The following GALNT13 variants were observed in gnomAD, a reference collection of about 807,000 sequenced individuals.
GALNT13 encodes polypeptide N-acetylgalactosaminyltransferase 13.
GALNT13 carries 28 observed loss-of-function variants against 64.2 expected under a neutral mutation model. The observed-to-expected ratio is 0.44, with a 90% confidence interval of 0.32 to 0.60. GALNT13 has a LOEUF of 0.60. GALNT13 is among the 20% of genes least tolerant of loss of function. The pLI, the probability that GALNT13 is intolerant of heterozygous loss-of-function variation, is 0.05. For synonymous variants in GALNT13, 214 were observed against 224.6 expected (o/e 0.95, Z 0.42); for missense variants, 577 against 669.8 (o/e 0.86, Z 1.53).
At chr2:153,981,952 A>G (rs1220242645) in intron 3 of GALNT13, among the ~76,000 whole-genome samples, 1 of 151,942 alleles carries the variant, frequency 6.6e-6, no homozygotes, top group African/African-American at 2.4e-5. Flanking sequence ...CTATAATGTC[A>G]GTTGTGGCAT....
At chr2:153,926,824 T>C (rs188592044) in intron 2 of GALNT13, among the ~76,000 whole-genome samples, 3 of 152,142 alleles carry the variant, frequency 2.0e-5, no homozygotes, top group African/African-American at 2.4e-5. Flanking sequence ...ATTTTCTTAT[T>C]ACTTTAAAAT....
At chr2:153,501,203 A>C in the GALNT13 span, among the ~76,000 whole-genome samples, 1 of 152,222 alleles carries the variant, frequency 6.6e-6, no homozygotes, top group Admixed American at 6.5e-5. Context: ...ATGACTCAAA[A>C]ATTTTCAAAG....
chr2:153,542,436 G>C, the GALNT13 span, among the ~76,000 whole-genome samples: 1 of 152,090 alleles, frequency 6.6e-6, no homozygotes, highest in Non-Finnish European at 1.5e-5. Context: ...AGTATAGAAT[G>C]GGTCTCAGTT....
chr2:153,161,578 G>A, the GALNT13 span, among the ~76,000 whole-genome samples: 1 of 152,242 alleles, frequency 6.6e-6, no homozygotes, highest in Middle Eastern at 3.4e-3. Context: ...AAGAGAGAGT[G>A]TGTCAGGAAG....
chr2:153,677,488 A>C, the GALNT13 span, among the ~76,000 whole-genome samples: 1 of 152,150 alleles, frequency 6.6e-6, no homozygotes, highest in African/African-American at 2.4e-5. Flanking sequence ...TACCCAAAGC[A>C]ATTTATAGAT....
At chr2:154,384,208 T>C (rs918956513) in intron 9 of GALNT13, among the ~76,000 whole-genome samples, 4 of 151,986 alleles carry the variant, frequency 2.6e-5, no homozygotes, top group African/African-American at 9.7e-5. Flanking sequence ...CTAATATTTT[T>C]GGTTAAATAT....
chr2:154,252,980 C>T (rs946615996), intron 7 of GALNT13, among the ~76,000 whole-genome samples: 1 of 151,888 alleles, frequency 6.6e-6, no homozygotes, highest in African/African-American at 2.4e-5. Context: ...TTAATTGGAC[C>T]CAGAAAACAA....
chr2:153,577,087 T>C, the GALNT13 span, among the ~76,000 whole-genome samples: 1 of 152,282 alleles, frequency 6.6e-6, no homozygotes, highest in South Asian at 2.1e-4. Flanking sequence ...TCCCTGCTCC[T>C]CTAATGGAAA....
At chr2:154,247,227 A>C (rs1238557559) in intron 7 of GALNT13, among the ~76,000 whole-genome samples, 2 of 152,046 alleles carry the variant, frequency 1.3e-5, no homozygotes, top group African/African-American at 4.8e-5. Context: ...TTTAAAATGT[A>C]ACTTAGTAGT....
intron 9 of GALNT13, among the ~76,000 whole-genome samples, chr2:154,319,889 C>T (rs1325959985): frequency 6.6e-6 from 1 of 151,846 alleles, no homozygotes; most frequent in Non-Finnish European, 1.5e-5. Context: ...TTTAAACTTT[C>T]ACTTCATAAA....
chr2:153,614,460 A>G, the GALNT13 span, among the ~76,000 whole-genome samples: 1 of 152,004 alleles, frequency 6.6e-6, no homozygotes, highest in African/African-American at 2.4e-5. Flanking sequence ...GGATTTCTTC[A>G]CAGCACTGGG....
chr2:153,820,651 A>T, the GALNT13 span, among the ~76,000 whole-genome samples: 2 of 152,190 alleles, frequency 1.3e-5, no homozygotes, highest in African/African-American at 4.8e-5. Flanking sequence ...AATTCTTTCT[A>T]GACAAGAAAA....
At chr2:154,319,528 G>A (rs1368071380) in intron 9 of GALNT13, among the ~76,000 whole-genome samples, 1 of 151,982 alleles carries the variant, frequency 6.6e-6, no homozygotes, top group East Asian at 1.9e-4. Context: ...AGCTGGGCAT[G>A]GTGGTATGTG....
At chr2:154,445,797 A>T in intron 12 of GALNT13, 2 of 1,288,014 alleles carry the variant, frequency 1.6e-6, no homozygotes, top group East Asian at 1.1e-4. Context: ...TGTTTGAATC[A>T]ACAGACTTAC....
rs71398312 is a variant in GALNT13 at position 154,405,584 on chromosome 2, T to TAAA, written c.1297-3383_1297-3381dup. Among the ~76,000 whole-genome samples, 641 of 133,960 alleles carry TAAA rather than the reference T, an allele frequency of 4.8e-3. 7 individuals carry two copies. The South Asian group carries it at 0.055, about 12-fold the overall frequency. 87.9% of individuals were successfully genotyped at this position (133,960 alleles called of 152,430 possible). On this transcript the variant is annotated intron_variant, in intron 10 of 12. Coordinates refer to ENST00000392825, the MANE Select transcript of GALNT13 (RefSeq NM_052917.4). ...CAATATGATGTAACCCCATCTCTTC[T>TAAA]AAAAAAAAAAAAAAAAAAATTTGAC...
At chr2:153,257,712 C>T in the GALNT13 span, among the ~76,000 whole-genome samples, 1 of 152,054 alleles carries the variant, frequency 6.6e-6, no homozygotes, top group African/African-American at 2.4e-5. Flanking sequence ...TATTGTTTTC[C>T]TTTGACCTGC....
At chr2:153,927,564 A>G (rs537923369) in intron 2 of GALNT13, among the ~76,000 whole-genome samples, 1 of 152,154 alleles carries the variant, frequency 6.6e-6, no homozygotes, top group South Asian at 2.1e-4. Context: ...CTTTAGCAAT[A>G]TTATATGACA....
the GALNT13 span, among the ~76,000 whole-genome samples, chr2:153,852,947 T>C: frequency 2.0e-5 from 3 of 152,126 alleles, no homozygotes; most frequent in East Asian, 5.8e-4. Flanking sequence ...AGTCCCACAA[T>C]AGGCCATCTG....
At chr2:153,176,599 A>G in the GALNT13 span, among the ~76,000 whole-genome samples, 2 of 152,038 alleles carry the variant, frequency 1.3e-5, no homozygotes, top group East Asian at 1.9e-4. Flanking sequence ...CCATAAATAT[A>G]TAAAATATAT....
Sources: allele counts gnomAD v4.1 joint callset (sites outside exome capture counted in the v4.1 genomes callset), GRCh38; gene constraint gnomAD v4.1.1; transcripts MANE v1.5; gene names NCBI Gene and HGNC (gene_info 2026-07-23, HGNC 2026-07-21).